GRIK2: variants seen among roughly 807,000 people sequenced by gnomAD.
GRIK2 encodes the protein glutamate ionotropic receptor kainate type subunit 2.
A neutral mutation model predicts 100.3 loss-of-function variants in GRIK2; 32 were observed. That is an observed-to-expected ratio of 0.32 (90% CI 0.24 to 0.43). The LOEUF (loss-of-function observed/expected upper bound fraction) is 0.43, where lower values mean the gene tolerates loss of function less well. Ranked by LOEUF, GRIK2 falls within the 20% of genes least tolerant of loss-of-function variation. GRIK2 has a pLI of 1.00. For missense variants in GRIK2, 843 were observed against 1,114.9 expected (o/e 0.76, Z 3.47); for synonymous variants, 417 against 389.4 (o/e 1.07, Z -0.83).
At chr6:101,762,703 C>T (rs190794416) in intron 7 of GRIK2, among the ~76,000 whole-genome samples, 12 of 152,256 alleles carry the variant, frequency 7.9e-5, no homozygotes, top group Admixed American at 5.9e-4. Flanking sequence ...TCATTAAGTA[C>T]GTGCCTTGAC....
At chr6:101,853,014 CT>C (rs1784224202) in intron 10 of GRIK2, among the ~76,000 whole-genome samples, 1 of 152,178 alleles carries the variant, frequency 6.6e-6, no homozygotes. Context: ...TGTTCTTTTA[CT>C]TATGTTAAGC....
At chr6:101,405,725 G>GGAACATTGAA (rs1775558955) in intron 2 of GRIK2, among the ~76,000 whole-genome samples, 1 of 152,048 alleles carries the variant, frequency 6.6e-6, no homozygotes, top group Non-Finnish European at 1.5e-5. Flanking sequence ...CTTAACATTG[G>GGAACATTGAA]GAACATTGAA....
At chr6:101,754,784 A>G (rs1777021060) in intron 7 of GRIK2, among the ~76,000 whole-genome samples, 1 of 152,230 alleles carries the variant, frequency 6.6e-6, no homozygotes, top group South Asian at 2.1e-4. Context: ...CAGATAGCAG[A>G]AACGATATGT....
At chr6:101,495,807 CTT>C (rs970098524) in intron 2 of GRIK2, among the ~76,000 whole-genome samples, 1 of 145,174 alleles carries the variant, frequency 6.9e-6, no homozygotes. Context: ...ACAAACACAC[CTT>C]TTTTTTTTTA....
chr6:101,704,303 G>A (rs1344812081), intron 7 of GRIK2, among the ~76,000 whole-genome samples: 1 of 151,740 alleles, frequency 6.6e-6, no homozygotes, highest in Non-Finnish European at 1.5e-5. Flanking sequence ...GGAAGTAAGG[G>A]AATGTGTGAG....
intron 5 of GRIK2, among the ~76,000 whole-genome samples, chr6:101,681,223 A>G (rs1771219673): frequency 6.6e-6 from 1 of 152,106 alleles, no homozygotes; most frequent in African/African-American, 2.4e-5. Context: ...ACATCAGGGT[A>G]AATGGGATAT....
chr6:101,398,260 T>C (rs1305227417), intron 1 of GRIK2, among the ~76,000 whole-genome samples: 1 of 152,220 alleles, frequency 6.6e-6, no homozygotes, highest in Non-Finnish European at 1.5e-5. Flanking sequence ...CAAACATCAT[T>C]GTTTTTATAT....
chr6:101,830,037 C>T (rs1395570376), intron 10 of GRIK2, among the ~76,000 whole-genome samples: 1 of 151,996 alleles, frequency 6.6e-6, no homozygotes, highest in African/African-American at 2.4e-5. Context: ...TACTACAAGG[C>T]TACAGTAACC....
intron 4 of GRIK2, among the ~76,000 whole-genome samples, chr6:101,639,996 A>G (rs936996566): frequency 5.3e-5 from 8 of 152,210 alleles, no homozygotes; most frequent in African/African-American, 1.7e-4. Context: ...ACCTCTTCTT[A>G]TCCCCAAAGG....
chr6:101,459,611 A>T (rs1040938529), intron 2 of GRIK2, among the ~76,000 whole-genome samples: 3 of 152,134 alleles, frequency 2.0e-5, no homozygotes, highest in Non-Finnish European at 2.9e-5. Context: ...AAGAAAAAAA[A>T]CCCTCAACTT....
chr6:102,040,772 G>C (rs963088652), intron 15 of GRIK2, among the ~76,000 whole-genome samples: 1 of 151,510 alleles, frequency 6.6e-6, no homozygotes, highest in African/African-American at 2.4e-5. Context: ...CATCATTATA[G>C]ATGCATAAAA....
chr6:101,964,001 G>A (rs1792496782), intron 14 of GRIK2, among the ~76,000 whole-genome samples: 1 of 151,524 alleles, frequency 6.6e-6, no homozygotes, highest in Non-Finnish European at 1.5e-5. Flanking sequence ...TGGGAAGGAG[G>A]GTATGGGTTA....
intron 10 of GRIK2, among the ~76,000 whole-genome samples, chr6:101,823,152 C>T (rs1450778260): frequency 4.6e-5 from 7 of 152,116 alleles, no homozygotes; most frequent in Admixed American, 4.6e-4. Context: ...CTTTTACTCT[C>T]TTTAAACTAT....
intron 2 of GRIK2, among the ~76,000 whole-genome samples, chr6:101,581,519 C>A (rs897308308): frequency 2.6e-5 from 4 of 152,024 alleles, no homozygotes; most frequent in African/African-American, 4.8e-5. Flanking sequence ...CTTTTTATTG[C>A]ATCCTTCAAT....
intron 14 of GRIK2, among the ~76,000 whole-genome samples, chr6:102,007,999 G>A (rs112744741): frequency 1.5e-3 from 231 of 152,042 alleles, no homozygotes; most frequent in African/African-American, 4.9e-3. Flanking sequence ...AAAGGCAATG[G>A]TAGAATATTA....
intron 12 of GRIK2, among the ~76,000 whole-genome samples, chr6:101,916,890 G>A (rs540155812): frequency 6.6e-6 from 1 of 151,350 alleles, no homozygotes; most frequent in Non-Finnish European, 1.5e-5. Flanking sequence ...ATTCTTTCAT[G>A]GCTTGTTTTA....
intron 7 of GRIK2, among the ~76,000 whole-genome samples, chr6:101,726,605 T>C (rs890562996): frequency 2.6e-5 from 4 of 151,914 alleles, no homozygotes; most frequent in Non-Finnish European, 4.4e-5. Context: ...AAGTAGAACA[T>C]ACATCCAAAG....
intron 2 of GRIK2, among the ~76,000 whole-genome samples, chr6:101,503,240 T>A (rs1773856976): frequency 6.6e-6 from 1 of 152,174 alleles, no homozygotes; most frequent in African/African-American, 2.4e-5. Context: ...CTTACTGATC[T>A]TGCTGATAAC....
intron 7 of GRIK2, among the ~76,000 whole-genome samples, chr6:101,762,717 A>C (rs1777807930): frequency 6.6e-6 from 1 of 152,100 alleles, no homozygotes. Context: ...CCTTGACAGG[A>C]TTTGAAGTTT....
Sources: gnomAD v4.1 joint callset for allele counts (sites outside exome capture counted in the v4.1 genomes callset) on GRCh38, gnomAD v4.1.1 for gene constraint, MANE v1.5 for transcripts, NCBI Gene and HGNC (gene_info 2026-07-23, HGNC 2026-07-21) for gene names.